The following SYTL5 variants were observed in gnomAD, a reference collection of about 807,000 sequenced individuals.
SYTL5 encodes the protein synaptotagmin-like protein 5.
Under a neutral mutation model 55.9 loss-of-function variants are expected in SYTL5, and 34 were observed. The ratio of observed to expected loss-of-function variants is 0.61; its 90% CI spans 0.46 to 0.81. SYTL5 has a LOEUF of 0.81. SYTL5 is among the 30% of genes least tolerant of loss of function. The pLI is 0.00. For missense variants in SYTL5, 637 were observed against 546.7 expected, an observed-to-expected ratio of 1.17 and a Z score of -1.65; for synonymous variants, 221 against 188.7, an observed-to-expected ratio of 1.17 and a Z score of -1.40.
chrX:38,097,322 C>A (rs1176306841), intron 9 of SYTL5, among the ~76,000 whole-genome samples: 1 of 109,598 alleles, frequency 9.1e-6, no homozygotes, highest in South Asian at 3.8e-4. Context: ...AAAGGATCTA[C>A]AAAAATATGA....
chrX:37,992,747 T>C, the SYTL5 span, among the ~76,000 whole-genome samples: 1 of 112,640 alleles, frequency 8.9e-6, no homozygotes, highest in African/African-American at 3.2e-5. Flanking sequence ...CACATCCTGC[T>C]GAGCCCTGTG....
intron 1 of SYTL5, among the ~76,000 whole-genome samples, chrX:38,025,463 T>A (rs1237748259): frequency 1.8e-5 from 2 of 112,037 alleles, no homozygotes; most frequent in East Asian, 5.6e-4. Flanking sequence ...CTACCACATC[T>A]TTTTGATAAT....
the SYTL5 span, among the ~76,000 whole-genome samples, chrX:37,910,633 T>C: frequency 8.9e-6 from 1 of 112,756 alleles, no homozygotes; most frequent in Non-Finnish European, 1.9e-5. Context: ...GATTTCAATG[T>C]TACCAGTTTA....
intron 3 of SYTL5, among the ~76,000 whole-genome samples, chrX:38,058,277 T>G (rs1935845892): frequency 9.0e-6 from 1 of 111,533 alleles, no homozygotes; most frequent in South Asian, 3.8e-4. Flanking sequence ...AATCTGCATA[T>G]CCAATCAGAT....
chrX:38,000,366 T>C, the SYTL5 span, among the ~76,000 whole-genome samples: 4 of 111,734 alleles, frequency 3.6e-5, no homozygotes, highest in African/African-American at 1.3e-4. Context: ...TATGGGTACA[T>C]AGTAGGTGTA....
At chrX:38,015,571 C>T (rs1412867270) in intron 1 of SYTL5, among the ~76,000 whole-genome samples, 2 of 111,469 alleles carry the variant, frequency 1.8e-5, no homozygotes, top group Non-Finnish European at 3.8e-5. Context: ...TTGAGGTGTC[C>T]ATTGGAACCC....
chrX:38,071,999 G>T, intron 3 of SYTL5, 48 bp from the exon 4 acceptor site: 3 of 914,657 alleles, frequency 3.3e-6, no homozygotes, highest in Non-Finnish European at 4.7e-6. Flanking sequence ...AGTTAATTAT[G>T]TGGCTAAATA....
chrX:37,913,828 C>T, the SYTL5 span, among the ~76,000 whole-genome samples: 3 of 112,106 alleles, frequency 2.7e-5, no homozygotes, highest in African/African-American at 6.5e-5. Flanking sequence ...AATACACTCC[C>T]GTATTGGTTT....
At chrX:38,082,605 T>G (rs1028977823) in intron 6 of SYTL5, among the ~76,000 whole-genome samples, 1 of 112,599 alleles carries the variant, frequency 8.9e-6, no homozygotes, top group African/African-American at 3.2e-5. Context: ...AACAAATAAT[T>G]TAAATACAAT....
chrX:38,028,583 C>T (rs1934852804), intron 1 of SYTL5, among the ~76,000 whole-genome samples: 1 of 111,827 alleles, frequency 8.9e-6, no homozygotes, highest in African/African-American at 3.2e-5. Context: ...AAAGGATCAG[C>T]AACGTTTTAA....
chrX:38,105,242 A>C (rs1937178000), intron 10 of SYTL5, among the ~76,000 whole-genome samples: 1 of 112,563 alleles, frequency 8.9e-6, no homozygotes, highest in African/African-American at 3.2e-5. Flanking sequence ...TGAACCCCAA[A>C]ACTCTGAGGC....
chrX:38,029,737 T>A (rs911965185), intron 1 of SYTL5, among the ~76,000 whole-genome samples: 7 of 99,052 alleles, frequency 7.1e-5, no homozygotes, highest in Non-Finnish European at 1.3e-4. Flanking sequence ...CTGTTTTTAC[T>A]TTCCAAAGAT....
Position 38,110,486 on chromosome X carries a change from G to T in SYTL5, c.1596+4G>T. On this transcript the variant is annotated splice_donor_region_variant and intron_variant, in intron 13 of 16. Coordinates refer to ENST00000297875, the MANE Select transcript of SYTL5 (RefSeq NM_138780.3). ...GTGGTTTGTGCTTCAACCCAAGGTA[G>T]GAAATGCTCTCAGATTAGTCAGTTA... The T allele has an allele frequency of 1.7e-6, 2 of 1,183,110 alleles. No individual in the cohort carries two copies. The highest frequency in any genetic ancestry group is 2.3e-6 in the Non-Finnish European group (2 of 878,763).
At chrX:38,111,779 T>C (rs1300587064) in intron 13 of SYTL5, among the ~76,000 whole-genome samples, 1 of 112,007 alleles carries the variant, frequency 8.9e-6, no homozygotes, top group Non-Finnish European at 1.9e-5. Context: ...AATTCTGTCA[T>C]TTGCCTATTC....
At chrX:38,074,558 A>G (rs1331119634) in intron 5 of SYTL5, among the ~76,000 whole-genome samples, 2 of 111,262 alleles carry the variant, frequency 1.8e-5, no homozygotes, top group African/African-American at 6.5e-5. Context: ...GCCTAACTTT[A>G]TGGTCCTTTT....
chrX:38,041,449 T>A (rs1323547684), intron 2 of SYTL5, among the ~76,000 whole-genome samples: 1 of 112,209 alleles, frequency 8.9e-6, no homozygotes. Flanking sequence ...ACTGGACTTC[T>A]AGTTTGGTAA....
At chrX:38,104,662 T>C (rs866135305) in intron 10 of SYTL5, among the ~76,000 whole-genome samples, 3 of 111,799 alleles carry the variant, frequency 2.7e-5, no homozygotes, top group Middle Eastern at 4.6e-3. Context: ...CAAAAGCAAA[T>C]TATGAAAAAG....
the SYTL5 span, among the ~76,000 whole-genome samples, chrX:37,989,102 C>T: frequency 5.4e-5 from 6 of 111,734 alleles, no homozygotes; most frequent in African/African-American, 1.6e-4. Context: ...AAATCAAGGG[C>T]GTGGCTAGAC....
intron 1 of SYTL5, among the ~76,000 whole-genome samples, chrX:38,017,131 A>G (rs73463450): frequency 0.034 from 3,750 of 111,100 alleles, 158 homozygotes; most frequent in African/African-American, 0.12. Flanking sequence ...CTCAAAACCC[A>G]CTTCCTTCTT....
Sources: gnomAD v4.1 joint callset for allele counts (sites outside exome capture counted in the v4.1 genomes callset) on GRCh38, gnomAD v4.1.1 for gene constraint, MANE v1.5 for transcripts, NCBI Gene and HGNC (gene_info 2026-07-23, HGNC 2026-07-21) for gene names.